TPRG1: variants seen among roughly 807,000 people sequenced by gnomAD.
TPRG1 encodes tumor protein p63 regulated 1, also known as tumor protein p63-regulated gene 1 protein.
Under a neutral mutation model 29.3 loss-of-function variants are expected in TPRG1, and 29 were observed. That is an observed-to-expected ratio of 0.99 (90% CI 0.74 to 1.35). The LOEUF is 1.35. Ranked by LOEUF, TPRG1 falls within the 40% of genes most tolerant of loss-of-function variation. TPRG1 has a pLI of 0.00. For synonymous variants in TPRG1, 130 were observed against 116.8 expected (o/e 1.11, Z -0.73); for missense variants, 327 against 335.0 (o/e 0.98, Z 0.19).
intron 2 of TPRG1, among the ~76,000 whole-genome samples, chr3:189,003,264 G>C (rs1712121896): frequency 6.6e-6 from 1 of 152,072 alleles, no homozygotes; most frequent in Non-Finnish European, 1.5e-5. Flanking sequence ...ATTAGGCACT[G>C]AGTCACAAGG....
intron 2 of TPRG1, chr3:189,212,015 G>A (rs1022463355): frequency 1.5e-5 from 2 of 134,440 alleles, no homozygotes; most frequent in African/African-American, 5.8e-5. Flanking sequence ...GATAATCTTG[G>A]TTGTGGAGAC....
At chr3:189,175,511 T>C (rs1242574665) in intron 1 of TPRG1, among the ~76,000 whole-genome samples, 1 of 152,208 alleles carries the variant, frequency 6.6e-6, no homozygotes, top group Non-Finnish European at 1.5e-5. Context: ...GCATTACGGC[T>C]ATTGACCAGA....
At chr3:189,254,319 T>A (rs1742727718) in intron 4 of TPRG1, among the ~76,000 whole-genome samples, 1 of 152,242 alleles carries the variant, frequency 6.6e-6, no homozygotes, top group African/African-American at 2.4e-5. Context: ...TTGTCAAAGA[T>A]TAGATGGCTG....
At chr3:189,038,219 C>T (rs985450816) in intron 4 of TPRG1, among the ~76,000 whole-genome samples, 1 of 151,888 alleles carries the variant, frequency 6.6e-6, no homozygotes, top group Non-Finnish European at 1.5e-5. Flanking sequence ...AACCATAAAC[C>T]GTCCCTTATG....
At chr3:189,238,642 C>G in intron 3 of TPRG1, 91 bp from the exon 4 acceptor site, 1 of 1,123,024 alleles carries the variant, frequency 8.9e-7, no homozygotes, top group Non-Finnish European at 1.3e-6. Context: ...GATCAAACTT[C>G]ACTGTTTTCT....
intron 1 of TPRG1, among the ~76,000 whole-genome samples, chr3:189,124,803 C>G (rs1722260052): frequency 1.3e-5 from 2 of 152,046 alleles, no homozygotes; most frequent in Admixed American, 1.3e-4. Flanking sequence ...TGGGAAGGTC[C>G]ACTACTGGCA....
intron 5 of TPRG1, among the ~76,000 whole-genome samples, chr3:189,154,392 G>C (rs1044096242): frequency 1.2e-4 from 18 of 152,042 alleles, no homozygotes; most frequent in African/African-American, 4.3e-4. Context: ...CTAGGTCCTA[G>C]GGATTCAACA....
chr3:189,013,070 G>T (rs1192489086), intron 3 of TPRG1, among the ~76,000 whole-genome samples: 2 of 151,748 alleles, frequency 1.3e-5, no homozygotes, highest in Non-Finnish European at 2.9e-5. Context: ...TAGCTTTGGG[G>T]TTTGTTTGCT....
At chr3:189,096,135 C>T (rs532409014), upstream of TPRG1, among the ~76,000 whole-genome samples, 25 of 152,234 alleles carry the variant, frequency 1.6e-4, no homozygotes, top group Non-Finnish European at 2.9e-4. Flanking sequence ...GGAGGCTTCT[C>T]CCAGCAGGCT....
At chr3:189,192,960 C>T (rs1175182627) in intron 1 of TPRG1, among the ~76,000 whole-genome samples, 3 of 151,984 alleles carry the variant, frequency 2.0e-5, no homozygotes, top group South Asian at 2.1e-4. Context: ...TATAGTATTC[C>T]TGGTTGTCAA....
intron 4 of TPRG1, among the ~76,000 whole-genome samples, chr3:189,066,774 C>T (rs755361970): frequency 6.6e-6 from 1 of 151,976 alleles, no homozygotes; most frequent in Non-Finnish European, 1.5e-5. Context: ...ACAAGAATGC[C>T]CCTTTCCCCA....
In TPRG1 at chr3:189,310,421, G is replaced by A. The variant is rs778917600; in HGVS notation, c.515G>A (p.Ser172Asn). 6.2e-7 allele frequency: 1 copy of A among 1,611,112 alleles called. No homozygotes were observed. The highest frequency in any genetic ancestry group is 8.5e-7 in the Non-Finnish European group (1 of 1,178,280). The change falls in exon 5 of 6, where the codon AGT becomes AAT. Residue 172 changes from serine (S) to asparagine (N), a missense_variant. Physicochemically the swap from Ser to Asn is conservative, Grantham distance 46. Coordinates refer to ENST00000345063, the MANE Select transcript of TPRG1 (RefSeq NM_198485.4). ...QGEGLRIYWG[S>N]PEEQSLLSRW... ...GAAGGCCTTAGGATCTACTGGGGGA[G>A]TCCGGAGGAGCAGTCTCTTCTGTCC...
intron 5 of TPRG1, among the ~76,000 whole-genome samples, chr3:189,317,351 C>T (rs943252155): frequency 2.6e-5 from 4 of 152,150 alleles, no homozygotes; most frequent in African/African-American, 9.7e-5. Flanking sequence ...TTCCTGGCAA[C>T]AAGCTTCCTT....
At chr3:189,184,530 A>G (rs2108711965) in intron 1 of TPRG1, among the ~76,000 whole-genome samples, 1 of 149,376 alleles carries the variant, frequency 6.7e-6, no homozygotes, top group East Asian at 1.9e-4. Flanking sequence ...GCTTAAGGGA[A>G]GATTTCTTTT....
chr3:189,040,762 C>T (rs1714582089), intron 4 of TPRG1, among the ~76,000 whole-genome samples: 1 of 152,168 alleles, frequency 6.6e-6, no homozygotes, highest in Non-Finnish European at 1.5e-5. Context: ...GTAAAACATT[C>T]CATCCAGGTT....
chr3:189,149,027 C>T (rs535562105), intron 4 of TPRG1, among the ~76,000 whole-genome samples: 1 of 152,326 alleles, frequency 6.6e-6, no homozygotes, highest in African/African-American at 2.4e-5. Flanking sequence ...TTAGCACCAG[C>T]TTCGTCCTAT....
At chr3:189,201,419 A>G (rs1034360366) in intron 1 of TPRG1, among the ~76,000 whole-genome samples, 5 of 152,186 alleles carry the variant, frequency 3.3e-5, no homozygotes, top group African/African-American at 1.2e-4. Context: ...AAAGCAAGGG[A>G]GTGCCTGGTG....
chr3:189,126,794 C>G (rs1722546448), intron 1 of TPRG1, among the ~76,000 whole-genome samples: 2 of 152,240 alleles, frequency 1.3e-5, no homozygotes, highest in South Asian at 4.1e-4. Flanking sequence ...GCTATGTATT[C>G]TATAAATTAT....
In TPRG1 at chr3:189,050,268, C is replaced by T. The variant is rs1344214322; in HGVS notation, c.-463+26322C>T. Among the ~76,000 whole-genome samples the T allele has an allele frequency of 3.3e-5, 5 of 151,806 alleles. No individual in the cohort carries two copies. The South Asian group carries it at 1.0e-3, about 32-fold the overall frequency. On this transcript the variant is annotated intron_variant, in intron 4 of 10. Transcript: ENST00000433971. ...AAACAGGAGATATTATAGCTGACAC[C>T]ACTGAAATACAAAAGATCATTCAAG...
Sources: allele counts gnomAD v4.1 joint callset (sites outside exome capture counted in the v4.1 genomes callset), GRCh38; gene constraint gnomAD v4.1.1; transcripts MANE v1.5; gene names NCBI Gene and HGNC (gene_info 2026-07-23, HGNC 2026-07-21).